Variants in CFAP299 observed in about 807,000 individuals in gnomAD.
CFAP299 encodes the protein cilia and flagella associated protein 299, also known as cilia- and flagella-associated protein 299.
CFAP299 carries 21 observed loss-of-function variants against 27.0 expected under a neutral mutation model. The observed-to-expected ratio is 0.78, with a 90% confidence interval of 0.55 to 1.12. The LOEUF is 1.12. Among genes scored for constraint, CFAP299 ranks in the 50% most tolerant of loss-of-function variants. The probability of loss-of-function intolerance (pLI) is 0.00; values close to 1 mark genes in which losing one functional copy is unlikely to be tolerated. For synonymous variants in CFAP299, 104 were observed against 98.1 expected, an observed-to-expected ratio of 1.06 and a Z score of -0.36; for missense variants, 310 against 276.6, an observed-to-expected ratio of 1.12 and a Z score of -0.86.
rs150893536 is a variant in CFAP299 at position 80,515,042 on chromosome 4, G to A, written c.243-68051G>A. 5.0e-3 allele frequency among the ~76,000 whole-genome samples: 764 copies of A among 152,078 alleles called. 4 individuals carry two copies. Among genetic ancestry groups the A allele is most frequent in the Middle Eastern group, 0.017 (5 of 294 alleles). On this transcript the variant is annotated intron_variant, in intron 2 of 5. Coordinates refer to ENST00000358105, the MANE Select transcript of CFAP299 (RefSeq NM_152770.3). ...GCGATGCAAACTCCTTTGCTTAAAT[G>A]TCTTTTCATATAATGCACAAATATA...
At chr4:80,613,529 A>G (rs1218328328) in intron 3 of CFAP299, among the ~76,000 whole-genome samples, 1 of 152,160 alleles carries the variant, frequency 6.6e-6, no homozygotes, top group African/African-American at 2.4e-5. Flanking sequence ...ACAAATAGAA[A>G]CACTTTTTCC....
chr4:80,425,154 C>T (rs1045490076), intron 2 of CFAP299, among the ~76,000 whole-genome samples: 2 of 152,102 alleles, frequency 1.3e-5, no homozygotes, highest in African/African-American at 2.4e-5. Context: ...GAAGGTGGGA[C>T]CTAATGAGAG....
At chr4:80,629,811 CAG>C (rs1000160060) in intron 3 of CFAP299, among the ~76,000 whole-genome samples, 2 of 148,388 alleles carry the variant, frequency 1.3e-5, no homozygotes, top group South Asian at 4.3e-4. Flanking sequence ...GCCAGGGAGA[CAG>C]GGGTTGCAGT....
chr4:80,324,504 A>G, the CFAP299 span, among the ~76,000 whole-genome samples: 5 of 152,310 alleles, frequency 3.3e-5, no homozygotes, highest in African/African-American at 1.2e-4. Context: ...ATCTATCACT[A>G]TTAATGCATT....
intron 1 of CFAP299, among the ~76,000 whole-genome samples, chr4:80,354,314 A>T (rs1723154984): frequency 1.3e-5 from 2 of 152,202 alleles, no homozygotes; most frequent in South Asian, 4.1e-4. Context: ...TGTAATCACT[A>T]AAGTTTTATT....
Position 80,740,966 on chromosome 4 carries a change from T to C in CFAP299, c.334-129027T>C, listed in dbSNP as rs139094133. On this transcript the variant is annotated intron_variant, in intron 3 of 5. Coordinates refer to ENST00000358105, the MANE Select transcript of CFAP299 (RefSeq NM_152770.3). ...CAGGTCCCCTCTGGCCTAGCAGAGG[T>C]CCAAAAGTGCTCTCCAAGAGCCTAG... is the stretch of plus-strand genomic sequence containing the variant. Among the ~76,000 whole-genome samples the C allele has an allele frequency of 1.0e-3, 154 of 152,174 alleles. 1 individual carries two copies. The highest frequency in any genetic ancestry group is 4.4e-3 in the South Asian group (21 of 4,818).
chr4:80,801,303 C>T (rs1221348508), intron 3 of CFAP299, among the ~76,000 whole-genome samples: 4 of 151,762 alleles, frequency 2.6e-5, no homozygotes, highest in Non-Finnish European at 4.4e-5. Context: ...GGGTTATCCA[C>T]ATCCCAAGAA....
intron 3 of CFAP299, among the ~76,000 whole-genome samples, chr4:80,751,479 T>G (rs1303682430): frequency 1.3e-5 from 2 of 151,984 alleles, no homozygotes; most frequent in Admixed American, 6.6e-5. Context: ...GAGTTCCATC[T>G]CAGGCCAGGG....
intron 2 of CFAP299, among the ~76,000 whole-genome samples, chr4:80,578,686 G>T (rs900663576): frequency 8.5e-5 from 13 of 152,174 alleles, no homozygotes; most frequent in African/African-American, 2.9e-4. Context: ...CTGCTATTGG[G>T]CCTAGATATA....
At chr4:80,354,998 A>G (rs1647841133) in intron 1 of CFAP299, among the ~76,000 whole-genome samples, 1 of 152,148 alleles carries the variant, frequency 6.6e-6, no homozygotes, top group South Asian at 2.1e-4. Flanking sequence ...GTGCATGTAT[A>G]TTTATAATAG....
chr4:80,704,911 T>C lies in CFAP299; in HGVS notation c.333+121728T>C, dbSNP rs1270890241. Among the ~76,000 whole-genome samples the C allele has an allele frequency of 7.2e-5, 11 of 151,930 alleles. No individual in the cohort carries two copies. In the East Asian group the frequency reaches 2.1e-3, roughly 29 times the overall value. The stretch of plus-strand genomic sequence containing the variant: ...CAGTGTTAAATGGTAATTTTTACCA[T>C]TTCAGATATGATAATAGAAATTGGG... On this transcript the variant is annotated intron_variant, in intron 3 of 5. Transcript: ENST00000358105.
chr4:80,882,434 C>G (rs1209496707), intron 4 of CFAP299, among the ~76,000 whole-genome samples: 52 of 152,022 alleles, frequency 3.4e-4, no homozygotes, highest in Non-Finnish European at 1.8e-4. Flanking sequence ...GTCAGGAGAT[C>G]GAGACCATCC....
At chr4:80,452,861 C>T (rs1381533481) in intron 2 of CFAP299, among the ~76,000 whole-genome samples, 87 of 152,228 alleles carry the variant, frequency 5.7e-4, no homozygotes, top group Non-Finnish European at 2.4e-4. Flanking sequence ...TAAAACAATT[C>T]ACACTACTCT....
At chr4:80,556,245 G>C (rs542792282) in intron 2 of CFAP299, among the ~76,000 whole-genome samples, 7 of 152,014 alleles carry the variant, frequency 4.6e-5, no homozygotes, top group African/African-American at 1.7e-4. Flanking sequence ...AGTCCTTTTC[G>C]TGAACTCCTC....
chr4:80,475,634 C>T (rs1214271223), intron 2 of CFAP299, among the ~76,000 whole-genome samples: 3 of 152,128 alleles, frequency 2.0e-5, no homozygotes, highest in Admixed American at 6.5e-5. Context: ...TATGTTAAAA[C>T]CAAGGTAGCT....
chr4:80,835,603 T>C (rs1297422577), intron 3 of CFAP299, among the ~76,000 whole-genome samples: 1 of 152,170 alleles, frequency 6.6e-6, no homozygotes, highest in Non-Finnish European at 1.5e-5. Context: ...TGTTGTAAAG[T>C]TTTTGTACAT....
At chr4:80,635,585 G>A (rs534360155) in intron 3 of CFAP299, among the ~76,000 whole-genome samples, 1 of 152,228 alleles carries the variant, frequency 6.6e-6, no homozygotes, top group East Asian at 1.9e-4. Context: ...ATATATGTTA[G>A]TGACTGCTAT....
At chr4:80,746,106 A>C (rs115606837) in intron 3 of CFAP299, among the ~76,000 whole-genome samples, 2,415 of 152,160 alleles carry the variant, frequency 0.016, 38 homozygotes, top group African/African-American at 0.042. Flanking sequence ...GAATATCATG[A>C]GAGGCAAAAG....
chr4:80,902,036 C>A (rs1334964951), intron 4 of CFAP299, among the ~76,000 whole-genome samples: 1 of 151,840 alleles, frequency 6.6e-6, no homozygotes, highest in Non-Finnish European at 1.5e-5. Flanking sequence ...AACAGTTCAG[C>A]CTTCAAGAGT....
Sources: allele counts gnomAD v4.1 joint callset (sites outside exome capture counted in the v4.1 genomes callset), GRCh38; gene constraint gnomAD v4.1.1; transcripts MANE v1.5; gene names NCBI Gene and HGNC (gene_info 2026-07-23, HGNC 2026-07-21).